Variants in CCDC186 observed in about 807,000 individuals in gnomAD.
CCDC186 encodes the protein coiled-coil domain-containing protein 186.
CCDC186 carries 49 observed loss-of-function variants against 113.7 expected under a neutral mutation model. The ratio of observed to expected loss-of-function variants is 0.43; its 90% CI spans 0.34 to 0.55. The LOEUF (loss-of-function observed/expected upper bound fraction) is 0.55. CCDC186 is among the 20% of genes least tolerant of loss of function. The pLI is 0.02. For missense variants in CCDC186, 890 were observed against 1,011.1 expected, an observed-to-expected ratio of 0.88 and a Z score of 1.62; for synonymous variants, 355 against 345.8, an observed-to-expected ratio of 1.03 and a Z score of -0.30.
At chr10:114,128,393 T>C (rs1168729566) in intron 13 of CCDC186, among the ~76,000 whole-genome samples, 1 of 152,242 alleles carries the variant, frequency 6.6e-6, no homozygotes, top group African/African-American at 2.4e-5. Context: ...AGCTGGGATC[T>C]AAATACATGT....
intron 3 of CCDC186, among the ~76,000 whole-genome samples, chr10:114,153,879 A>G (rs2031928229): frequency 6.6e-6 from 1 of 151,744 alleles, no homozygotes; most frequent in African/African-American, 2.4e-5. Context: ...AACCAAACAC[A>G]AAGAGGAGGA....
chr10:114,126,208 A>G, intron 14 of CCDC186, 103 bp from the exon 15 acceptor site: 1 of 827,572 alleles, frequency 1.2e-6, no homozygotes, highest in South Asian at 1.8e-5. Context: ...AATAAATATT[A>G]GGTTAATAAC....
intron 1 of CCDC186, among the ~76,000 whole-genome samples, chr10:114,172,756 G>A (rs2032537547): frequency 6.6e-6 from 1 of 152,166 alleles, no homozygotes; most frequent in African/African-American, 2.4e-5. Flanking sequence ...AGAAATAAAA[G>A]AGAAAAATGA....
rs113570723 is a variant in CCDC186 at position 114,144,426 on chromosome 10, A to C, written c.1221+71T>G. The stretch of plus-strand genomic sequence containing the variant: ...GAAAGAGCGAGACTCCGTCTCAAAA[A>C]AAAAACAAAAACAAAAACAAAAACA... On this transcript the variant is annotated intron_variant, in intron 6 of 15. Coordinates refer to ENST00000369287, the MANE Select transcript of CCDC186 (RefSeq NM_018017.4). 6.5e-4 allele frequency: 1,005 copies of C among 1,539,978 alleles called. 3 individuals are homozygous for C. Among genetic ancestry groups the C allele is most frequent in the Admixed American group, 2.6e-3 (122 of 46,688 alleles).
In CCDC186 at chr10:114,146,850, G is replaced by C. The variant is rs1439799230; in HGVS notation, c.889-1089C>G. The stretch of plus-strand genomic sequence containing the variant: ...AATGTAGGGAAAGCTTCTATGCTTT[G>C]ATGAAAAATGGCTGCAAAAATGTTT... On this transcript the variant is annotated intron_variant, in intron 4 of 15. Coordinates refer to ENST00000369287, the MANE Select transcript of CCDC186 (RefSeq NM_018017.4). Among the ~76,000 whole-genome samples the C allele has an allele frequency of 9.2e-5, 14 of 152,116 alleles. No homozygotes were observed. In the East Asian group the frequency reaches 2.5e-3, roughly 27 times the overall value.
chr10:114,168,373 C>T (rs931891786), intron 1 of CCDC186: 2 of 152,110 alleles, frequency 1.3e-5, no homozygotes, highest in South Asian at 2.1e-4. Context: ...ACAAGAGCCA[C>T]GTAAATGAAA....
chr10:114,138,940 GA>G (rs1006779742), intron 6 of CCDC186, among the ~76,000 whole-genome samples: 1 of 152,052 alleles, frequency 6.6e-6, no homozygotes, highest in Non-Finnish European at 1.5e-5. Context: ...CTTCCCTTCA[GA>G]AAAAAGGCAG....
At chr10:114,161,664 G>A (rs1201760618) in intron 2 of CCDC186, 1 of 152,138 alleles carries the variant, frequency 6.6e-6, no homozygotes, top group African/African-American at 2.4e-5. Context: ...GTAAGGATAT[G>A]AATAGCAACA....
At chr10:114,131,459 A>G in intron 11 of CCDC186, 123 bp from the exon 12 acceptor site, 1 of 827,442 alleles carries the variant, frequency 1.2e-6, no homozygotes, top group South Asian at 2.7e-5. Flanking sequence ...ATTATTCCTT[A>G]TCAGCTTTTG....
At chr10:114,141,688 A>G (rs1286988656) in intron 6 of CCDC186, among the ~76,000 whole-genome samples, 2 of 152,110 alleles carry the variant, frequency 1.3e-5, no homozygotes, top group African/African-American at 4.8e-5. Context: ...TGTACTGATC[A>G]GTAGTCAGCT....
rs189148083 is a variant in CCDC186 at position 114,148,088 on chromosome 10, T to C, written c.889-2327A>G. On this transcript the variant is annotated intron_variant, in intron 4 of 15. Transcript: ENST00000369287. ...AGGTTGAGGCTGCAGTTAGCCATGA[T>C]TGCACCATTGCACTCCAGCCTGGGC... 2.1e-4 allele frequency among the ~76,000 whole-genome samples: 32 copies of C among 152,272 alleles called. No homozygotes were observed. The East Asian group carries it at 4.1e-3, about 19-fold the overall frequency.
intron 3 of CCDC186, 46 bp downstream of exon 3, chr10:114,157,503 ATTTAT>A (rs2032045821): frequency 2.0e-6 from 3 of 1,511,526 alleles, no homozygotes; most frequent in Non-Finnish European, 2.7e-6. Flanking sequence ...CCAGGAATGT[ATTTAT>A]TTTATTAATT....
chr10:114,131,229 T>C lies in CCDC186; in HGVS notation c.2019A>G (p.Val673=), dbSNP rs138638702. ...QTEVKALSTQ[V]EELKDELVTQ... is the part of the protein sequence containing the mutation. The stretch of plus-strand genomic sequence containing the variant: ...TTACTAACTCATCTTTTAATTCTTC[T>C]ACCTGGGTACTCAATGCTTTAACTT... The change falls in exon 12 of 16, where the codon GTA becomes GTG. Residue 673 remains valine (V), a synonymous_variant. Coordinates refer to ENST00000369287, the MANE Select transcript of CCDC186 (RefSeq NM_018017.4). 987 of 1,601,702 alleles carry C rather than the reference T, an allele frequency of 6.2e-4. 1 individual carries two copies. Among genetic ancestry groups the C allele is most frequent in the Admixed American group, 3.5e-3 (201 of 57,350 alleles).
chr10:114,145,829 T>C (rs2031623379), intron 4 of CCDC186, 68 bp from the exon 5 acceptor site: 1 of 1,403,686 alleles, frequency 7.1e-7, no homozygotes, highest in Admixed American at 2.4e-5. Flanking sequence ...TTGAAATACA[T>C]GGTATTTGTC....
At chr10:114,150,730 C>T (rs1047987437) in intron 4 of CCDC186, among the ~76,000 whole-genome samples, 1 of 152,106 alleles carries the variant, frequency 6.6e-6, no homozygotes, top group African/African-American at 2.4e-5. Context: ...CTCACTGCAA[C>T]CTCCGCCTCC....
At chr10:114,156,595 T>C (rs1589626920) in intron 3 of CCDC186, among the ~76,000 whole-genome samples, 1 of 152,046 alleles carries the variant, frequency 6.6e-6, no homozygotes, top group Non-Finnish European at 1.5e-5. Flanking sequence ...GTGTGGTTGG[T>C]GGCCGCCTAT....
At chr10:114,157,136 G>A (rs190762016) in intron 3 of CCDC186, among the ~76,000 whole-genome samples, 25 of 149,522 alleles carry the variant, frequency 1.7e-4, no homozygotes, top group Admixed American at 1.3e-3. Flanking sequence ...TTTAAAATAT[G>A]ATTTACCTTA....
intron 10 of CCDC186, among the ~76,000 whole-genome samples, chr10:114,133,405 G>T (rs1242074506): frequency 6.6e-6 from 1 of 152,182 alleles, no homozygotes; most frequent in Non-Finnish European, 1.5e-5. Context: ...ACCGATTTTG[G>T]AAATGCTAAA....
intron 6 of CCDC186, among the ~76,000 whole-genome samples, chr10:114,140,414 T>C (rs2031429592): frequency 6.6e-6 from 1 of 152,344 alleles, no homozygotes; most frequent in Middle Eastern, 3.4e-3. Flanking sequence ...GGATGGATTG[T>C]CATTTATTGA....
Sources: gnomAD v4.1 joint callset for allele counts (sites outside exome capture counted in the v4.1 genomes callset) on GRCh38, gnomAD v4.1.1 for gene constraint, MANE v1.5 for transcripts, NCBI Gene and HGNC (gene_info 2026-07-23, HGNC 2026-07-21) for gene names.